RBM14: variants seen among roughly 807,000 people sequenced by gnomAD.
The protein encoded by RBM14 is RNA-binding protein 14.
Under a neutral mutation model 52.8 loss-of-function variants are expected in RBM14, and 5 were observed. That is an observed-to-expected ratio of 0.09 (90% CI 0.05 to 0.20). The LOEUF is 0.20. Among genes scored for constraint, RBM14 ranks in the 10% least tolerant of loss-of-function variants. RBM14 has a pLI of 1.00. For missense variants in RBM14, 780 were observed against 926.6 expected, an observed-to-expected ratio of 0.84 and a Z score of 2.05; for synonymous variants, 411 against 401.8, an observed-to-expected ratio of 1.02 and a Z score of -0.28.
At chr11:66,621,734 G>T (rs1031667943) in intron 1 of RBM14, among the ~76,000 whole-genome samples, 1 of 152,058 alleles carries the variant, frequency 6.6e-6, no homozygotes, top group African/African-American at 2.4e-5. Context: ...ATTGTGTTTT[G>T]CTTGAGATGA....
chr11:66,629,093 C>T lies in RBM14; in HGVS notation c.*2425C>T, dbSNP rs1937940301. ...GCAGATTGTTTTAAAATCTCCCTCC[C>T]CTCTTTTATTTTAATTATGCCACCT... On this transcript the variant is annotated 3_prime_UTR_variant, in exon 3 of 3. Transcript: ENST00000310137. Among the ~76,000 whole-genome samples, 1 of 152,184 alleles carries T rather than the reference C, an allele frequency of 6.6e-6. No homozygotes were observed. The highest frequency in any genetic ancestry group is 2.4e-5 in the African/African-American group (1 of 41,436).
rs1479392124 is a variant in RBM14 at position 66,622,526 on chromosome 11, A to AATG, written c.338-1687_338-1685dup. 9.2e-5 allele frequency among the ~76,000 whole-genome samples: 14 copies of AATG among 152,304 alleles called. 1 individual carries two copies. The highest frequency in any genetic ancestry group is 7.2e-4 in the Admixed American group (11 of 15,308). On this transcript the variant is annotated intron_variant, in intron 1 of 2. Coordinates refer to ENST00000310137, the MANE Select transcript of RBM14 (RefSeq NM_006328.4). ...TGGCATGAGCCCCTGTACCTGCCTA[A>AATG]ATGGTAAGTTTCCTAAGATCTTATA...
chr11:66,622,147 C>G (rs752379673), intron 1 of RBM14, among the ~76,000 whole-genome samples: 4 of 151,988 alleles, frequency 2.6e-5, no homozygotes, highest in South Asian at 4.2e-4. Flanking sequence ...AATTCCTGAC[C>G]TCAGGTGATC....
chr11:66,617,977 C>G (rs535511368), intron 1 of RBM14, among the ~76,000 whole-genome samples: 5 of 152,254 alleles, frequency 3.3e-5, no homozygotes, highest in Admixed American at 1.3e-4. Context: ...TTTACTGAAT[C>G]AGTAGTAGTC....
chr11:66,620,023 C>G (rs1233693611), intron 1 of RBM14, among the ~76,000 whole-genome samples: 1 of 152,140 alleles, frequency 6.6e-6, no homozygotes, highest in Non-Finnish European at 1.5e-5. Context: ...TCAGAGTTTC[C>G]TTGAATTAGA....
chr11:66,624,916 C>T lies in RBM14; in HGVS notation c.1040C>T (p.Ser347Phe). The T allele has an allele frequency of 2.5e-6, 4 of 1,614,016 alleles. No individual in the cohort carries two copies. The highest frequency in any genetic ancestry group is 3.4e-6 in the Non-Finnish European group (4 of 1,179,988). ...SLASYGNQPS[S>F]YGAQAASSYG... ...GCCTCCTATGGTAACCAGCCATCCT[C>T]TTACGGCGCCCAGGCTGCCTCTTCC... is the stretch of plus-strand genomic sequence containing the variant. Residue 347 changes from serine to phenylalanine, a missense_variant, in exon 2 of 3, where the codon TCT becomes TTT. This residue lies in a region of RBM14 where 675 missense variants were observed against 697.3 expected (regional missense o/e 0.97). Coordinates refer to ENST00000310137, the MANE Select transcript of RBM14 (RefSeq NM_006328.4). This position sits in a 1 kb window ranked among gnomAD's most constrained non-coding sequence, Gnocchi z 4.7.
intron 1 of RBM14, among the ~76,000 whole-genome samples, chr11:66,617,717 C>A (rs1215621284): frequency 6.6e-6 from 1 of 152,252 alleles, no homozygotes; most frequent in Non-Finnish European, 1.5e-5. Context: ...CTTTTCTCCT[C>A]CCTCAAACTT....
rs772145703 is a variant in RBM14 at position 66,625,115 on chromosome 11, G to T, written c.1239G>T (p.Gln413His). 1.2e-6 allele frequency: 2 copies of T among 1,613,160 alleles called. No individual in the cohort carries two copies. The highest frequency in any genetic ancestry group is 2.2e-5 in the East Asian group (1 of 44,874). Residue 413 changes from glutamine to histidine, a missense_variant, in exon 2 of 3, where the codon CAG becomes CAT. Gln to His is a conservative substitution (Grantham distance 24). Coordinates refer to ENST00000310137, the MANE Select transcript of RBM14 (RefSeq NM_006328.4). The surrounding 1 kb of genome is among the most constrained non-coding windows in gnomAD (Gnocchi z 4.2). ...AGCCCTCGGCCTCTTACAATGCCCA[G>T]TCTGCCCCATATGCTGCACAGCAGG... The part of the protein sequence containing the change: ...NAQPSASYNA[Q>H]SAPYAAQQAA...
In RBM14 at chr11:66,616,865, C is replaced by G; in HGVS notation, c.145C>G (p.Leu49Val). ...FVHMRENAGA[L>V]RAIEALHGHE... The stretch of plus-strand genomic sequence containing the variant: ...GCACATGCGCGAGAACGCGGGCGCG[C>G]TGCGCGCCATCGAAGCCCTGCACGG... The change falls in exon 1 of 3, where the codon CTG becomes GTG. Residue 49 changes from leucine to valine, a missense_variant. By Grantham distance (32) the Leu-to-Val change is conservative. Around this residue, in one of 4 missense-constraint regions of RBM14, gnomAD observed 71 missense variants for 119.2 expected, o/e 0.60. Coordinates refer to ENST00000310137, the MANE Select transcript of RBM14 (RefSeq NM_006328.4). 6.2e-7 allele frequency: 1 copy of G among 1,612,328 alleles called. No homozygotes were observed. The highest frequency in any genetic ancestry group is 8.5e-7 in the Non-Finnish European group (1 of 1,179,524).
rs779205837 is a variant in RBM14, at chr11:66,617,100, A to G, written c.337+43A>G. ...TCGGGGGCGGGGGCGCGCTCGGGGC[A>G]CTCTGCCTGTTAGCCACGCCCCTTA... On this transcript the variant is annotated intron_variant, in intron 1 of 2. Transcript: ENST00000310137. 1.4e-5 allele frequency: 21 copies of G among 1,539,662 alleles called. No homozygotes were observed. The South Asian group carries it at 1.7e-4, about 13-fold the overall frequency.
chr11:66,626,197 G>A (rs953074957), intron 2 of RBM14, among the ~76,000 whole-genome samples: 2 of 152,252 alleles, frequency 1.3e-5, no homozygotes, highest in African/African-American at 2.4e-5. Context: ...ATAGTTTGCT[G>A]TGGTGTGGGA....
At chr11:66,623,555 T>C (rs1357249421) in intron 1 of RBM14, among the ~76,000 whole-genome samples, 3 of 152,212 alleles carry the variant, frequency 2.0e-5, no homozygotes, top group Non-Finnish European at 4.4e-5. Context: ...ATGGAGGTAA[T>C]GATTCTTTGC....
intron 1 of RBM14, chr11:66,617,379 G>T (rs1284362966): frequency 1.7e-6 from 2 of 1,173,328 alleles, no homozygotes; most frequent in African/African-American, 3.2e-5. Context: ...CTGGCACCCA[G>T]CGGAAATTGG....
rs554193036 is a variant in RBM14, at chr11:66,628,726, T to C, written c.*2058T>C. Among the ~76,000 whole-genome samples, 1 of 152,340 alleles carries C rather than the reference T, an allele frequency of 6.6e-6. No homozygotes were observed. The highest frequency in any genetic ancestry group is 2.1e-4 in the South Asian group (1 of 4,832). On this transcript the variant is annotated 3_prime_UTR_variant, in exon 3 of 3. Coordinates refer to ENST00000310137, the MANE Select transcript of RBM14 (RefSeq NM_006328.4). ...AGTTAATAAGCCTACCTTTGGTTAT[T>C]ACCCTGGAAAATTGAGGGTTGATGG...
chr11:66,620,263 A>C (rs1250774332), intron 1 of RBM14, among the ~76,000 whole-genome samples: 1 of 152,196 alleles, frequency 6.6e-6, no homozygotes, highest in Non-Finnish European at 1.5e-5. Context: ...TAATTGTATC[A>C]GATGGATTTT....
rs566866722 is a variant in RBM14, at chr11:66,628,466, C to T, written c.*1798C>T. On this transcript the variant is annotated 3_prime_UTR_variant, in exon 3 of 3. Coordinates refer to ENST00000310137, the MANE Select transcript of RBM14 (RefSeq NM_006328.4). ...TAGATGTCCTCTTCCCTCTTGCCAT[C>T]GTGCAAAAGCATTCGATCTTATGAC... is the stretch of plus-strand genomic sequence containing the variant. 4.8e-4 allele frequency among the ~76,000 whole-genome samples: 73 copies of T among 152,122 alleles called. No homozygotes were observed. Among genetic ancestry groups the T allele is most frequent in the African/African-American group, 1.7e-3 (71 of 41,540 alleles).
chr11:66,619,159 C>T (rs990866682), intron 1 of RBM14: 3 of 152,260 alleles, frequency 2.0e-5, no homozygotes, highest in African/African-American at 4.8e-5. Flanking sequence ...GTAGTAGAAG[C>T]GACTGGCTCT....
chr11:66,628,425 A>G lies in RBM14; in HGVS notation c.*1757A>G, dbSNP rs1937913457. ...CTGGCTTCATGTGAACTTGCCTGTGACAGAATATCTTGCCCTAGATGTCCT... is the reference window on the plus strand; with the variant it reads ...CTGGCTTCATGTGAACTTGCCTGTGGCAGAATATCTTGCCCTAGATGTCCT... On this transcript the variant is annotated 3_prime_UTR_variant, in exon 3 of 3. Coordinates refer to ENST00000310137, the MANE Select transcript of RBM14 (RefSeq NM_006328.4). Among the ~76,000 whole-genome samples the G allele has an allele frequency of 6.6e-6, 1 of 152,130 alleles. No homozygotes were observed. Among genetic ancestry groups the G allele is most frequent in the Non-Finnish European group, 1.5e-5 (1 of 68,028 alleles).
Position 66,617,214 on chromosome 11 carries a change from C to T in RBM14, c.337+157C>T, listed in dbSNP as rs948817671. On this transcript the variant is annotated intron_variant, in intron 1 of 2. Coordinates refer to ENST00000310137, the MANE Select transcript of RBM14 (RefSeq NM_006328.4). ...GTTGGGGGCGCGTTGGGTAGAGCCA[C>T]CCTCCTCCCCTGCGGTCCAGGAACC... 1.2e-5 allele frequency: 17 copies of T among 1,430,600 alleles called. No homozygotes were observed. The Admixed American group carries it at 2.9e-4, about 24-fold the overall frequency. 88.6% of individuals were successfully genotyped at this position (1,430,600 alleles called of 1,614,324 possible).
Sources: gnomAD v4.1 joint callset for allele counts (sites outside exome capture counted in the v4.1 genomes callset) on GRCh38, gnomAD v4.1.1 for gene constraint, gnomAD v4.1.1 regional missense constraint, Gnocchi (gnomAD v3.1) non-coding constraint, MANE v1.5 for transcripts, NCBI Gene and HGNC (gene_info 2026-07-23, HGNC 2026-07-21) for gene names.